Variants in STK32A observed in about 807,000 individuals in gnomAD.
STK32A encodes serine/threonine kinase 32A, also known as serine/threonine-protein kinase 32A.
STK32A carries 41 observed loss-of-function variants against 53.2 expected under a neutral mutation model. The observed-to-expected ratio is 0.77, with a 90% confidence interval of 0.60 to 1.00. The LOEUF is 1.00. Ranked by LOEUF, STK32A falls within the 50% of genes least tolerant of loss-of-function variation. The pLI, the probability that STK32A is intolerant of heterozygous loss-of-function variation, is 0.00. For missense variants in STK32A, 458 were observed against 485.8 expected (o/e 0.94, Z 0.54); for synonymous variants, 166 against 162.8 (o/e 1.02, Z -0.15).
Position 147,384,458 on chromosome 5 carries a change from T to C in STK32A, c.*475T>C. On this transcript the variant is annotated 3_prime_UTR_variant, in exon 13 of 13. Coordinates refer to ENST00000397936, the MANE Select transcript of STK32A (RefSeq NM_001112724.2). ...ATAAAGTGGTCAGAATGCCCCAGGC[T>C]ACTTGGATAAAGATAAGGAATTCTA... 6.5e-7 allele frequency: 1 copy of C among 1,526,768 alleles called. No homozygotes were observed. The highest frequency in any genetic ancestry group is 1.4e-5 in the African/African-American group (1 of 72,930). The allele number at this position is 1,526,768 out of a possible 1,614,324, so 94.6% of individuals were successfully genotyped here. A position where few individuals can be genotyped will look rare whatever the true frequency, so the allele number is the denominator to read the frequency against.
At chr5:147,317,970 T>G (rs960262944) in intron 4 of STK32A, among the ~76,000 whole-genome samples, 4 of 152,210 alleles carry the variant, frequency 2.6e-5, no homozygotes, top group African/African-American at 9.6e-5. Flanking sequence ...TTACATCTAT[T>G]TGGCTTTTTA....
In STK32A at chr5:147,341,139, A is replaced by G. The variant is rs1459403257; in HGVS notation, c.435-1867A>G. Among the ~76,000 whole-genome samples, 3 of 152,204 alleles carry G rather than the reference A, an allele frequency of 2.0e-5. No individual in the cohort carries two copies. In the East Asian group the frequency reaches 5.8e-4, roughly 29 times the overall value. On this transcript the variant is annotated intron_variant, in intron 5 of 12. Transcript: ENST00000397936. ...ATAAATTCAGGCCAAGAAATTTGAT[A>G]CTGATCTTGCCTCTCTCAACTCTCA... is the stretch of plus-strand genomic sequence containing the variant.
chr5:147,358,894 AAAAC>A (rs1428308406), intron 7 of STK32A, among the ~76,000 whole-genome samples: 1 of 152,198 alleles, frequency 6.6e-6, no homozygotes, highest in African/African-American at 2.4e-5. Context: ...TCTATATAGA[AAAAC>A]AAGAAAATTA....
intron 6 of STK32A, among the ~76,000 whole-genome samples, chr5:147,345,481 G>A (rs955281952): frequency 5.9e-5 from 9 of 152,096 alleles, no homozygotes; most frequent in East Asian, 1.9e-4. Flanking sequence ...TACCTAATAC[G>A]TACCAAATCT....
chr5:147,367,162 T>G (rs1014504981), intron 8 of STK32A, among the ~76,000 whole-genome samples: 2 of 151,888 alleles, frequency 1.3e-5, no homozygotes, highest in Non-Finnish European at 2.9e-5. Flanking sequence ...CCCTCCTCTG[T>G]CCAATCAACC....
chr5:147,401,427 A>C, the STK32A span: 1 of 1,242,880 alleles, frequency 8.0e-7, no homozygotes, highest in South Asian at 1.6e-5. Context: ...TACACTGTTC[A>C]CACTGCAGAC....
intron 4 of STK32A, among the ~76,000 whole-genome samples, chr5:147,296,735 C>A (rs1157097251): frequency 6.6e-6 from 1 of 152,078 alleles, no homozygotes; most frequent in Admixed American, 6.5e-5. Flanking sequence ...TTGAGAGAGA[C>A]AGTTTAACAA....
chr5:147,375,364 A>T (rs1757193827), intron 11 of STK32A, 146 bp downstream of exon 11: 2 of 998,628 alleles, frequency 2.0e-6, no homozygotes, highest in Non-Finnish European at 1.4e-6. Context: ...GGTTTCTAAA[A>T]GGGCAGACCA....
chr5:147,383,299 A>C lies in STK32A; in HGVS notation c.1033-142A>C, dbSNP rs1432837. On this transcript the variant is annotated intron_variant, in intron 11 of 12. Transcript: ENST00000397936. ...GCCAGCTTCCCGGAATCTTCTTCAC[A>C]TAGCATCCATTTTGAAGATACTACT... The C allele has an allele frequency of 0.014, 10,045 of 709,894 alleles. 839 individuals are homozygous for C. The African/African-American group carries it at 0.17, about 12-fold the overall frequency. The allele number at this position is 709,894 out of a possible 1,614,324, so 44.0% of individuals were successfully genotyped here. A position where few individuals can be genotyped will look rare whatever the true frequency, so the allele number is the denominator to read the frequency against.
In STK32A at chr5:147,384,495, T is replaced by C. The variant is rs538249383; in HGVS notation, c.*512T>C. The stretch of plus-strand genomic sequence containing the variant: ...GATAAGGAATTCTATCAGGGAGGCA[T>C]GAATGGAATCAGATTAAAAGTAACA... On this transcript the variant is annotated 3_prime_UTR_variant, in exon 13 of 13. Transcript: ENST00000397936. 348 of 1,377,574 alleles carry C rather than the reference T, an allele frequency of 2.5e-4. 8 individuals are homozygous for C. The South Asian group carries it at 4.3e-3, about 17-fold the overall frequency. 85.3% of individuals were successfully genotyped at this position (1,377,574 alleles called of 1,614,324 possible). A position where few individuals can be genotyped will look rare whatever the true frequency, so the allele number is the denominator to read the frequency against.
At chr5:147,306,352 T>C (rs1753408376) in intron 4 of STK32A, among the ~76,000 whole-genome samples, 1 of 152,076 alleles carries the variant, frequency 6.6e-6, no homozygotes, top group Non-Finnish European at 1.5e-5. Flanking sequence ...TACAAGTCTT[T>C]TTAAAAGTTT....
intron 4 of STK32A, among the ~76,000 whole-genome samples, chr5:147,301,803 A>T (rs1753150790): frequency 6.6e-6 from 1 of 152,186 alleles, no homozygotes; most frequent in Admixed American, 6.5e-5. Flanking sequence ...TCAATGTGTC[A>T]CCAGGGCTGT....
intron 2 of STK32A, among the ~76,000 whole-genome samples, chr5:147,267,465 A>T (rs1040088132): frequency 6.6e-6 from 1 of 152,202 alleles, no homozygotes; most frequent in Admixed American, 6.5e-5. Flanking sequence ...GGTTTATGTA[A>T]CATATCTATA....
Position 147,314,736 on chromosome 5 carries a change from T to TTTTC in STK32A, c.261-9158_261-9155dup, listed in dbSNP as rs1246314272. ...TGTCATTTCATACCTATTGCTTTCTTTTTCTTTTTTTTTTTTTTTGAGACA... is the reference window on the plus strand; with the variant it reads ...TGTCATTTCATACCTATTGCTTTCTTTTTCTTTCTTTTTTTTTTTTTTTGAGACA... On this transcript the variant is annotated intron_variant, in intron 4 of 12. Coordinates refer to ENST00000397936, the MANE Select transcript of STK32A (RefSeq NM_001112724.2). Among the ~76,000 whole-genome samples, 29 of 135,952 alleles carry TTTTC rather than the reference T, an allele frequency of 2.1e-4. 1 individual carries two copies. The highest frequency in any genetic ancestry group is 3.4e-3 in the Middle Eastern group (1 of 290). 89.2% of individuals were successfully genotyped at this position (135,952 alleles called of 152,430 possible).
intron 2 of STK32A, among the ~76,000 whole-genome samples, chr5:147,244,733 G>T (rs916379271): frequency 6.6e-6 from 1 of 152,170 alleles, no homozygotes; most frequent in Non-Finnish European, 1.5e-5. Flanking sequence ...AATTGAGGGG[G>T]AAACTTATTT....
At chr5:147,347,112 C>T (rs1755728080) in intron 6 of STK32A, among the ~76,000 whole-genome samples, 1 of 152,118 alleles carries the variant, frequency 6.6e-6, no homozygotes, top group Non-Finnish European at 1.5e-5. Flanking sequence ...ATTCTAAACA[C>T]CTGCGAGTAG....
intron 4 of STK32A, among the ~76,000 whole-genome samples, chr5:147,279,805 G>A (rs1004534237): frequency 6.6e-6 from 1 of 152,148 alleles, no homozygotes; most frequent in African/African-American, 2.4e-5. Flanking sequence ...GTATGATTTA[G>A]TATGTTAATG....
chr5:147,375,091 A>G lies in STK32A; in HGVS notation c.905A>G (p.Lys302Arg), dbSNP rs1757176508. Residue 302 changes from lysine to arginine, a missense_variant and splice_region_variant, in exon 11 of 13, where the codon AAA (lysine) becomes AGA (arginine). Transcript: ENST00000397936. ...TTGAGCCAACTGTCTTCCTTGCAGA[A>G]AGGCAGGCTGAATTGTGATCCTACC... is the stretch of plus-strand genomic sequence containing the variant. ...KRLIPGFIPN[K>R]GRLNCDPTFE... 6.2e-7 allele frequency: 1 copy of G among 1,601,128 alleles called. No individual in the cohort carries two copies.
intron 6 of STK32A, among the ~76,000 whole-genome samples, chr5:147,347,940 C>T (rs1396067306): frequency 6.6e-6 from 1 of 152,088 alleles, no homozygotes; most frequent in Non-Finnish European, 1.5e-5. Flanking sequence ...AGAACCTGAC[C>T]CTCAAATAAT....
Sources: allele counts gnomAD v4.1 joint callset (sites outside exome capture counted in the v4.1 genomes callset), GRCh38; gene constraint gnomAD v4.1.1; transcripts MANE v1.5; gene names NCBI Gene and HGNC (gene_info 2026-07-23, HGNC 2026-07-21).